The following ARHGAP6 variants were observed in gnomAD, a reference collection of about 807,000 sequenced individuals.
ARHGAP6 encodes the protein Rho GTPase activating protein 6.
In ARHGAP6, 16 loss-of-function variants were observed where a neutral mutation model predicts 55.7. The observed-to-expected ratio is 0.29, with a 90% CI of 0.19 to 0.44. The LOEUF is 0.44. Among genes scored for constraint, ARHGAP6 ranks in the 20% least tolerant of loss-of-function variants. ARHGAP6 has a pLI of 1.00. For synonymous variants in ARHGAP6, 382 were observed against 360.9 expected (o/e 1.06, Z -0.66); for missense variants, 698 against 808.9 (o/e 0.86, Z 1.66).
intron 1 of ARHGAP6, among the ~76,000 whole-genome samples, chrX:11,372,771 CA>C (rs1171647934): frequency 0.047 from 670 of 14,300 alleles, 1 homozygote; most frequent in Middle Eastern, 0.14. Flanking sequence ...GACTCCATCT[CA>C]AAAAAAAAAA....
intron 1 of ARHGAP6, among the ~76,000 whole-genome samples, chrX:11,622,190 C>T (rs2052237896): frequency 8.9e-6 from 1 of 111,874 alleles, no homozygotes; most frequent in Non-Finnish European, 1.9e-5. Flanking sequence ...ACAAAGGAAA[C>T]AATTTTGTGT....
chrX:11,393,317 C>T (rs1411751082), intron 1 of ARHGAP6, among the ~76,000 whole-genome samples: 1 of 110,148 alleles, frequency 9.1e-6, no homozygotes, highest in Non-Finnish European at 1.9e-5. Flanking sequence ...GAAGAAATCT[C>T]CTATAGTTCC....
At chrX:11,162,342 C>CG (rs1391965677) in intron 9 of ARHGAP6, among the ~76,000 whole-genome samples, 3 of 97,511 alleles carry the variant, frequency 3.1e-5, no homozygotes, top group African/African-American at 1.1e-4. Context: ...TGCCCCCCCC[C>CG]CCATATTTAC....
At chrX:11,553,534 C>T in intron 1 of ARHGAP6, among the ~76,000 whole-genome samples, 1 of 112,115 alleles carries the variant, frequency 8.9e-6, no homozygotes, top group Middle Eastern at 4.6e-3. Flanking sequence ...TGAGTGCTTG[C>T]ACCTGGCCAG....
At chrX:11,478,556 C>T (rs920409743) in intron 1 of ARHGAP6, among the ~76,000 whole-genome samples, 1 of 111,863 alleles carries the variant, frequency 8.9e-6, no homozygotes, top group Non-Finnish European at 1.9e-5. Flanking sequence ...CATAAGGAAA[C>T]TTCCTGGGGT....
chrX:11,458,382 G>A (rs1445698600), intron 1 of ARHGAP6, among the ~76,000 whole-genome samples: 1 of 112,302 alleles, frequency 8.9e-6, no homozygotes. Context: ...ATAAGCCAGT[G>A]GATCCAAAAT....
intron 11 of ARHGAP6, 97 bp downstream of exon 11, chrX:11,143,883 G>T: frequency 1.7e-6 from 2 of 1,202,422 alleles, no homozygotes; most frequent in Non-Finnish European, 2.2e-6. Flanking sequence ...ATAAGGGAGA[G>T]ACGAAGAGAA....
At chrX:11,152,556 C>G in intron 10 of ARHGAP6, among the ~76,000 whole-genome samples, 1 of 111,506 alleles carries the variant, frequency 9.0e-6, no homozygotes, top group African/African-American at 3.3e-5. Context: ...GGTGCAAGCT[C>G]CCCAAATATC....
chrX:11,369,971 A>G (rs1450510655), intron 1 of ARHGAP6, among the ~76,000 whole-genome samples: 4 of 112,608 alleles, frequency 3.6e-5, no homozygotes, highest in Non-Finnish European at 7.5e-5. Context: ...GGAAGGGCCA[A>G]AAGTTGGCAA....
chrX:11,277,687 G>A (rs1401610099), intron 1 of ARHGAP6, among the ~76,000 whole-genome samples: 2 of 99,481 alleles, frequency 2.0e-5, no homozygotes, highest in African/African-American at 3.7e-5. Flanking sequence ...AAATTTAGAG[G>A]TTTCTAGTAT....
intron 1 of ARHGAP6, among the ~76,000 whole-genome samples, chrX:11,623,581 C>T (rs1277923956): frequency 9.3e-6 from 1 of 107,374 alleles, no homozygotes; most frequent in East Asian, 2.9e-4. Context: ...CCTGTAGTCC[C>T]AGCTACTCAG....
At chrX:11,277,240 A>G (rs893367447) in intron 1 of ARHGAP6, among the ~76,000 whole-genome samples, 2 of 111,704 alleles carry the variant, frequency 1.8e-5, no homozygotes, top group African/African-American at 6.5e-5. Flanking sequence ...GATAATATTC[A>G]CTGTATAGAT....
intron 1 of ARHGAP6, among the ~76,000 whole-genome samples, chrX:11,376,029 A>G (rs1470029371): frequency 1.8e-5 from 2 of 112,395 alleles, no homozygotes; most frequent in African/African-American, 6.5e-5. Context: ...AAGGGAAAGA[A>G]ATAGTAAAAA....
chrX:11,600,321 G>A (rs915016430), intron 1 of ARHGAP6, among the ~76,000 whole-genome samples: 10 of 112,401 alleles, frequency 8.9e-5, no homozygotes, highest in African/African-American at 2.6e-4. Flanking sequence ...TGCTTTCAGC[G>A]TTGAACATGG....
chrX:11,617,788 G>T (rs890697567), intron 1 of ARHGAP6, among the ~76,000 whole-genome samples: 3 of 111,393 alleles, frequency 2.7e-5, no homozygotes, highest in African/African-American at 9.8e-5. Flanking sequence ...TTATAAGGTC[G>T]TGCTGCTTGA....
At chrX:11,405,717 A>G (rs1178715369) in intron 1 of ARHGAP6, among the ~76,000 whole-genome samples, 1 of 111,858 alleles carries the variant, frequency 8.9e-6, no homozygotes, top group Non-Finnish European at 1.9e-5. Flanking sequence ...GCAAAAAAGC[A>G]TGTTATTTCT....
intron 1 of ARHGAP6, among the ~76,000 whole-genome samples, chrX:11,387,733 G>T (rs2049347715): frequency 9.1e-6 from 1 of 110,366 alleles, no homozygotes. Context: ...GCCCCGGTGT[G>T]TGATGTTCCC....
intron 1 of ARHGAP6, among the ~76,000 whole-genome samples, chrX:11,499,124 T>C (rs1292687344): frequency 8.9e-6 from 1 of 112,133 alleles, no homozygotes; most frequent in Non-Finnish European, 1.9e-5. Context: ...TGTTGTAATA[T>C]TTTCTGGCTA....
At position 11,665,539 on chromosome X, in the gene ARHGAP6, C is replaced by A. The variant is rs1429129175; in HGVS notation, c.-711G>T. 8.8e-6 allele frequency: 1 copy of A among 113,560 alleles called. No individual in the cohort carries two copies. Among genetic ancestry groups the A allele is most frequent in the East Asian group, 2.8e-4 (1 of 3,578 alleles). The allele number at this position is 113,560 out of a possible 1,213,427, so 9.4% of individuals were successfully genotyped here. A position where few individuals can be genotyped will look rare whatever the true frequency, so the allele number is the denominator to read the frequency against. On this transcript the variant is annotated 5_prime_UTR_variant, in exon 1 of 13. Transcript: ENST00000337414. The stretch of plus-strand genomic sequence containing the variant: ...TCTGTCTTGCTGCAGTGTGGGGACA[C>A]CGAGCGTGCTGCGCCCGGGACCTCC...
Sources: allele counts gnomAD v4.1 joint callset (sites outside exome capture counted in the v4.1 genomes callset), GRCh38; gene constraint gnomAD v4.1.1; transcripts MANE v1.5; gene names NCBI Gene and HGNC (gene_info 2026-07-23, HGNC 2026-07-21).